TCF4: variants seen among roughly 807,000 people sequenced by gnomAD.
The protein encoded by TCF4 is SL3-3 enhancer factor 2.
TCF4 carries 3 observed loss-of-function variants against 82.1 expected under a neutral mutation model. The observed-to-expected ratio is 0.04, with a 90% CI of 0.02 to 0.09. The LOEUF is 0.09. TCF4 is among the 10% of genes least tolerant of loss of function. The pLI is 1.00. For synonymous variants in TCF4, 276 were observed against 309.6 expected (o/e 0.89, Z 1.14); for missense variants, 518 against 852.7 (o/e 0.61, Z 4.89).
chr18:55,402,258 T>C (rs928878162), intron 6 of TCF4: 2 of 983,754 alleles, frequency 2.0e-6, no homozygotes, highest in African/African-American at 1.8e-5. Flanking sequence ...TGCAAATATA[T>C]ACAGGGAAAA....
intron 3 of TCF4, among the ~76,000 whole-genome samples, chr18:55,521,483 C>A (rs1240425035): frequency 6.6e-6 from 1 of 152,036 alleles, no homozygotes; most frequent in East Asian, 1.9e-4. Context: ...AATGCAAAAC[C>A]TTCTTTCTCC....
chr18:55,287,332 T>C (rs918506233), intron 8 of TCF4, among the ~76,000 whole-genome samples: 2 of 152,200 alleles, frequency 1.3e-5, no homozygotes, highest in Non-Finnish European at 2.9e-5. Flanking sequence ...CGCATAATTT[T>C]CCCGGCTTCT....
At chr18:55,544,295 T>C (rs1331191481) in intron 3 of TCF4, among the ~76,000 whole-genome samples, 3 of 152,216 alleles carry the variant, frequency 2.0e-5, no homozygotes, top group Admixed American at 6.5e-5. Flanking sequence ...GCAAGAGCTG[T>C]TTTAAGTACT....
At chr18:55,244,760 G>C (rs891402006) in intron 15 of TCF4, among the ~76,000 whole-genome samples, 5 of 152,138 alleles carry the variant, frequency 3.3e-5, no homozygotes, top group Non-Finnish European at 7.3e-5. Flanking sequence ...AGACTACAGG[G>C]GGAAAATTTT....
At chr18:55,312,675 T>G (rs187886475) in intron 8 of TCF4, among the ~76,000 whole-genome samples, 1 of 152,304 alleles carries the variant, frequency 6.6e-6, no homozygotes, top group African/African-American at 2.4e-5. Flanking sequence ...GAGGATCTGC[T>G]ATTACAGGAA....
At chr18:55,549,934 A>C (rs2097245249) in intron 3 of TCF4, among the ~76,000 whole-genome samples, 1 of 152,238 alleles carries the variant, frequency 6.6e-6, no homozygotes, top group Non-Finnish European at 1.5e-5. Context: ...AACTATATAC[A>C]GATAATATCA....
chr18:55,261,285 T>A (rs2058035108), intron 12 of TCF4, 181 bp downstream of exon 12: 1 of 733,468 alleles, frequency 1.4e-6, no homozygotes. Context: ...AGAAAGAGAC[T>A]ATATACTGGA....
At chr18:55,548,538 C>T (rs902218831) in intron 3 of TCF4, among the ~76,000 whole-genome samples, 2 of 152,066 alleles carry the variant, frequency 1.3e-5, no homozygotes, top group African/African-American at 2.4e-5. Context: ...CATTCTGCCC[C>T]TTGCAATAAA....
At position 55,469,461 on chromosome 18, in the gene TCF4, C is replaced by CA. The variant is rs112902567; in HGVS notation, c.146-5325dup. The CA allele has an allele frequency of 3.0e-3, 433 of 142,780 alleles. 6 individuals carry two copies. The highest frequency in any genetic ancestry group is 7.8e-3 in the African/African-American group (302 of 38,714). 8.8% of individuals were successfully genotyped at this position (142,780 alleles called of 1,614,324 possible). ...CCTGGGTGACAGAGCGAGACTGTCT[C>CA]AAAAAAAAAAATAATAAATAAAGTA... On this transcript the variant is annotated intron_variant, in intron 3 of 19. Coordinates refer to ENST00000354452, the MANE Select transcript of TCF4 (RefSeq NM_001083962.2).
At chr18:55,338,174 C>A (rs960336064) in intron 8 of TCF4, among the ~76,000 whole-genome samples, 7 of 152,152 alleles carry the variant, frequency 4.6e-5, no homozygotes, top group Non-Finnish European at 8.8e-5. Context: ...TTCATTTCGA[C>A]CACGGCAGCC....
chr18:55,406,107 C>G (rs1485990991), intron 5 of TCF4, among the ~76,000 whole-genome samples: 1 of 145,456 alleles, frequency 6.9e-6, no homozygotes, highest in African/African-American at 2.6e-5. Context: ...GCACAGCCAG[C>G]AGGAGGCTGG....
rs62092441 is a variant in TCF4 at position 55,254,216 on chromosome 18, G to T, written c.1350+281C>A. Among the ~76,000 whole-genome samples the T allele has an allele frequency of 0.035, 5,309 of 152,282 alleles. 149 individuals carry two copies. Among genetic ancestry groups the T allele is most frequent in the Non-Finnish European group, 0.05 (3,397 of 68,004 alleles). On this transcript the variant is annotated intron_variant, in intron 15 of 19. Transcript: ENST00000354452. ...GGAAGTAGACAAGTGGTTGCCAAGG[G>T]CTGGAAGTGGAGGGATGGGGAATGA...
chr18:55,357,950 A>G (rs2084011082), intron 6 of TCF4, among the ~76,000 whole-genome samples: 1 of 152,234 alleles, frequency 6.6e-6, no homozygotes, highest in African/African-American at 2.4e-5. Flanking sequence ...TAAATGCTCA[A>G]TGTAATCTTC....
At chr18:55,494,669 A>G (rs146970371) in intron 3 of TCF4, among the ~76,000 whole-genome samples, 183 of 152,238 alleles carry the variant, frequency 1.2e-3, no homozygotes, top group African/African-American at 3.9e-3. Flanking sequence ...AACTACATTT[A>G]TTTGCACAGC....
At chr18:55,501,610 T>C (rs1045453668) in intron 3 of TCF4, among the ~76,000 whole-genome samples, 1 of 151,570 alleles carries the variant, frequency 6.6e-6, no homozygotes, top group African/African-American at 2.4e-5. Flanking sequence ...AAGAGACAGA[T>C]ATGACCTAAA....
intron 6 of TCF4, among the ~76,000 whole-genome samples, chr18:55,371,011 G>A (rs1054492426): frequency 1.3e-5 from 2 of 152,198 alleles, no homozygotes; most frequent in Admixed American, 6.5e-5. Flanking sequence ...CATTTCAAGT[G>A]ACCTGCCCTG....
chr18:55,351,923 A>C (rs1250869353), intron 6 of TCF4: 2 of 828,470 alleles, frequency 2.4e-6, no homozygotes. Flanking sequence ...TTTAATAAAG[A>C]AATTTTAAAA....
At chr18:55,608,651 AT>A (rs2097704416) in intron 2 of TCF4, among the ~76,000 whole-genome samples, 2 of 152,276 alleles carry the variant, frequency 1.3e-5, no homozygotes, top group South Asian at 4.1e-4. Context: ...CGTGGGAATA[AT>A]GGTGACTAAG....
At chr18:55,437,583 G>GA (rs1161583586) in intron 5 of TCF4, among the ~76,000 whole-genome samples, 1 of 152,130 alleles carries the variant, frequency 6.6e-6, no homozygotes, top group African/African-American at 2.4e-5. Flanking sequence ...TTGAGTTCAA[G>GA]AAAAAATAAC....
Sources: allele counts gnomAD v4.1 joint callset (sites outside exome capture counted in the v4.1 genomes callset), GRCh38; gene constraint gnomAD v4.1.1; transcripts MANE v1.5; gene names NCBI Gene and HGNC (gene_info 2026-07-23, HGNC 2026-07-21).